PCP4: variants seen among roughly 807,000 people sequenced by gnomAD.
PCP4 encodes the protein Purkinje cell protein 4.
Under a neutral mutation model 10.0 loss-of-function variants are expected in PCP4, and 8 were observed. That is an observed-to-expected ratio of 0.80 (90% confidence interval 0.47 to 1.45). The LOEUF (loss-of-function observed/expected upper bound fraction) is 1.45, where lower values mean the gene tolerates loss of function less well. Among genes scored for constraint, PCP4 ranks in the 40% most tolerant of loss-of-function variants. The pLI is 0.00. For missense variants in PCP4, 54 were observed against 74.4 expected (o/e 0.73, Z 1.01); for synonymous variants, 21 against 23.0 (o/e 0.91, Z 0.24).
chr21:39,879,212 C>T (rs190356272), intron 1 of PCP4, among the ~76,000 whole-genome samples: 182 of 152,230 alleles, frequency 1.2e-3, no homozygotes, highest in African/African-American at 4.2e-3. Context: ...TGGTCTCAAA[C>T]TCCTGACCTC....
intron 1 of PCP4, among the ~76,000 whole-genome samples, chr21:39,869,342 G>C (rs916525209): frequency 2.6e-5 from 4 of 152,222 alleles, no homozygotes; most frequent in Non-Finnish European, 4.4e-5. Context: ...CCTGTGATTA[G>C]GGTCACAGCC....
chr21:39,883,771 G>C (rs2040148185), intron 1 of PCP4: 1 of 152,088 alleles, frequency 6.6e-6, no homozygotes, highest in African/African-American at 2.4e-5. Flanking sequence ...TTTCAACTGT[G>C]AGCTCAATGC....
intron 2 of PCP4, among the ~76,000 whole-genome samples, chr21:39,902,278 G>A (rs1369159649): frequency 6.6e-6 from 1 of 152,138 alleles, no homozygotes; most frequent in Non-Finnish European, 1.5e-5. Flanking sequence ...GTCTGTACAA[G>A]TCAGGGTGTT....
Position 39,906,508 on chromosome 21 carries a change from G to A in PCP4, c.61+7981G>A, listed in dbSNP as rs775731002. On this transcript the variant is annotated intron_variant, in intron 2 of 2. Transcript: ENST00000328619. The surrounding 1 kb of genome is among the most constrained non-coding windows in gnomAD (Gnocchi z 6.3). Reference sequence around the variant, plus strand: ...TTTATAGCCTCTTCATATTTCACCTGCCCTCTTCCTCACCCTTTCTCTTTC... The same window carrying A: ...TTTATAGCCTCTTCATATTTCACCTACCCTCTTCCTCACCCTTTCTCTTTC... Among the ~76,000 whole-genome samples the A allele has an allele frequency of 6.6e-6, 1 of 151,838 alleles. No homozygotes were observed. The highest frequency in any genetic ancestry group is 1.5e-5 in the Non-Finnish European group (1 of 67,982).
intron 2 of PCP4, among the ~76,000 whole-genome samples, chr21:39,918,625 A>G (rs997754483): frequency 2.0e-5 from 3 of 152,270 alleles, no homozygotes; most frequent in Non-Finnish European, 4.4e-5. Context: ...TTTGGGGAAT[A>G]CAATAGATGC....
At chr21:39,875,230 T>C (rs1327738552) in intron 1 of PCP4, among the ~76,000 whole-genome samples, 1 of 149,544 alleles carries the variant, frequency 6.7e-6, no homozygotes, top group African/African-American at 2.5e-5. Flanking sequence ...GTATTTAGGG[T>C]TTTCTTTTTC....
At chr21:39,867,757 C>T (rs1034438828) in intron 1 of PCP4, among the ~76,000 whole-genome samples, 3 of 152,174 alleles carry the variant, frequency 2.0e-5, no homozygotes, top group African/African-American at 7.2e-5. Flanking sequence ...TGAATGGTGA[C>T]TTTGAAAAGT....
intron 2 of PCP4, among the ~76,000 whole-genome samples, chr21:39,911,211 G>T (rs970023945): frequency 2.0e-5 from 3 of 152,156 alleles, no homozygotes; most frequent in Admixed American, 6.5e-5. Context: ...GTCACCGGCT[G>T]TGAACACAGG....
chr21:39,917,264 C>T (rs1429055078), intron 2 of PCP4, among the ~76,000 whole-genome samples: 2 of 152,190 alleles, frequency 1.3e-5, no homozygotes, highest in East Asian at 3.9e-4. Flanking sequence ...ACTGGGATGT[C>T]CCCACAGCTG....
At chr21:39,917,830 A>G (rs113094274) in intron 2 of PCP4, among the ~76,000 whole-genome samples, 2 of 152,220 alleles carry the variant, frequency 1.3e-5, no homozygotes, top group African/African-American at 4.8e-5. Context: ...CCATAACCTC[A>G]GAATGTGATC....
At chr21:39,903,755 C>A (rs576146792) in intron 2 of PCP4, among the ~76,000 whole-genome samples, 53 of 151,568 alleles carry the variant, frequency 3.5e-4, no homozygotes, top group Middle Eastern at 3.4e-3. Context: ...GTAGTCCCAG[C>A]TACTCGGGAG....
chr21:39,906,932 G>A lies in PCP4; in HGVS notation c.61+8405G>A, dbSNP rs147988191. ...TTTATGGAAATAGTATTTCTCACGC[G>A]CTTGAAAACACTTTTGCTCTTTTAA... On this transcript the variant is annotated intron_variant, in intron 2 of 2. Coordinates refer to ENST00000328619, the MANE Select transcript of PCP4 (RefSeq NM_006198.3). This position sits in a 1 kb window ranked among gnomAD's most constrained non-coding sequence, Gnocchi z 6.3. Among the ~76,000 whole-genome samples the A allele has an allele frequency of 1.3e-4, 20 of 152,120 alleles. No individual in the cohort carries two copies. In the East Asian group the frequency reaches 2.3e-3, roughly 18 times the overall value.
At chr21:39,904,925 C>A (rs1229813798) in intron 2 of PCP4, among the ~76,000 whole-genome samples, 1 of 152,158 alleles carries the variant, frequency 6.6e-6, no homozygotes. Flanking sequence ...GAGTATCCAG[C>A]TGCAACGTGT....
intron 2 of PCP4, among the ~76,000 whole-genome samples, chr21:39,910,355 T>C (rs1434297414): frequency 6.6e-6 from 1 of 152,172 alleles, no homozygotes; most frequent in East Asian, 1.9e-4. Context: ...CGTGGGACCA[T>C]GATCCTCCTC....
chr21:39,879,510 C>G (rs180893058), intron 1 of PCP4, among the ~76,000 whole-genome samples: 8 of 152,170 alleles, frequency 5.3e-5, no homozygotes, highest in African/African-American at 1.9e-4. Context: ...AGAGTTCCCC[C>G]ACAGTTGCAT....
rs777175019 is a variant in PCP4, at chr21:39,929,026, A to T, written c.104A>T (p.Asp35Val). ...KVQEEFDIDM[D>V]APETERAAVA... is the part of the protein sequence containing the mutation. Reference sequence around the variant, plus strand: ...CAAGAAGAATTTGACATTGACATGGATGCACCAGAGACAGAACGTGCAGCG... The same window carrying T: ...CAAGAAGAATTTGACATTGACATGGTTGCACCAGAGACAGAACGTGCAGCG... Residue 35 changes from aspartate to valine, a missense_variant, in exon 3 of 3, where the codon GAT (aspartate) becomes GTT (valine). Coordinates refer to ENST00000328619, the MANE Select transcript of PCP4 (RefSeq NM_006198.3). The T allele has an allele frequency of 6.2e-7, 1 of 1,613,228 alleles. No individual in the cohort carries two copies. The highest frequency in any genetic ancestry group is 8.5e-7 in the Non-Finnish European group (1 of 1,179,518).
intron 1 of PCP4, among the ~76,000 whole-genome samples, chr21:39,881,509 G>C (rs1049976393): frequency 2.0e-5 from 3 of 152,148 alleles, no homozygotes; most frequent in African/African-American, 7.2e-5. Context: ...TGTTTTCATG[G>C]TGCCAGGGTC....
intron 2 of PCP4, among the ~76,000 whole-genome samples, chr21:39,905,151 A>G (rs1018015759): frequency 6.6e-6 from 1 of 152,264 alleles, no homozygotes; most frequent in Non-Finnish European, 1.5e-5. Flanking sequence ...CCAGAGGCAC[A>G]TGGGTGGTGG....
intron 1 of PCP4, among the ~76,000 whole-genome samples, chr21:39,874,840 G>A (rs760237963): frequency 5.2e-4 from 79 of 152,046 alleles, no homozygotes; most frequent in Admixed American, 1.2e-3. Flanking sequence ...GGGTGGTACC[G>A]AATCCTACAC....
Sources: gnomAD v4.1 joint callset for allele counts (sites outside exome capture counted in the v4.1 genomes callset) on GRCh38, gnomAD v4.1.1 for gene constraint, Gnocchi (gnomAD v3.1) non-coding constraint, MANE v1.5 for transcripts, NCBI Gene and HGNC (gene_info 2026-07-23, HGNC 2026-07-21) for gene names.